Variants in DCC observed in about 807,000 individuals in gnomAD.
DCC encodes netrin receptor DCC.
Under a neutral mutation model 172.5 loss-of-function variants are expected in DCC, and 58 were observed. That is an observed-to-expected ratio of 0.34 (90% CI 0.27 to 0.42). The LOEUF (loss-of-function observed/expected upper bound fraction) is 0.42. DCC is among the 10% of genes least tolerant of loss of function. The pLI, the probability that DCC is intolerant of heterozygous loss-of-function variation, is 1.00. For synonymous variants in DCC, 709 were observed against 644.5 expected (o/e 1.10, Z -1.52); for missense variants, 1,740 against 1,791.0 (o/e 0.97, Z 0.51).
At chr18:52,417,559 C>A (rs1033236394) in intron 1 of DCC, among the ~76,000 whole-genome samples, 1 of 152,050 alleles carries the variant, frequency 6.6e-6, no homozygotes. Flanking sequence ...TTCTTGGAGG[C>A]CTTGTTTGTT....
At chr18:52,723,163 T>G (rs1258044908) in intron 1 of DCC, among the ~76,000 whole-genome samples, 1 of 152,224 alleles carries the variant, frequency 6.6e-6, no homozygotes, top group African/African-American at 2.4e-5. Flanking sequence ...TGTTCTCTTT[T>G]GTCTGCAGTG....
chr18:53,392,225 C>CT (rs934687000), intron 17 of DCC, among the ~76,000 whole-genome samples: 96 of 144,558 alleles, frequency 6.6e-4, no homozygotes, highest in Non-Finnish European at 8.1e-4. Context: ...ATTTTGGTAT[C>CT]TTTTTTTTTT....
intron 5 of DCC, among the ~76,000 whole-genome samples, chr18:53,012,857 A>G (rs1424091214): frequency 6.6e-6 from 1 of 152,134 alleles, no homozygotes; most frequent in Non-Finnish European, 1.5e-5. Flanking sequence ...TCCAGCATCT[A>G]TAAGGAACTT....
intron 12 of DCC, among the ~76,000 whole-genome samples, chr18:53,303,400 G>A (rs537462370): frequency 2.1e-4 from 32 of 152,232 alleles, no homozygotes; most frequent in African/African-American, 7.2e-4. Context: ...TTCATGTGCT[G>A]TTATCTTCTT....
rs144580817 is a variant in DCC at position 53,529,003 on chromosome 18, TTCTCTCTCTCTCTC to T, written c.4255-1538_4255-1525del. On this transcript the variant is annotated intron_variant, in intron 28 of 28. Coordinates refer to ENST00000442544, the MANE Select transcript of DCC (RefSeq NM_005215.4). Reference sequence around the variant, plus strand: ...TGCCTAGTAATCCCCTCACTTCAACTTCTCTCTCTCTCTCTCTCTCTCTCTCTCTCTCTCTCACA... The same window carrying T: ...TGCCTAGTAATCCCCTCACTTCAACTTCTCTCTCTCTCTCTCTCTCTCACA... Among the ~76,000 whole-genome samples, 398 of 101,058 alleles carry T rather than the reference TTCTCTCTCTCTCTC, an allele frequency of 3.9e-3. 4 individuals are homozygous for T. The highest frequency in any genetic ancestry group is 0.023 in the East Asian group (97 of 4,296). 66.3% of individuals were successfully genotyped at this position (101,058 alleles called of 152,430 possible).
At chr18:52,908,411 A>G (rs116716278) in intron 3 of DCC, among the ~76,000 whole-genome samples, 2,602 of 152,312 alleles carry the variant, frequency 0.017, 69 homozygotes, top group African/African-American at 0.059. Context: ...TTACGTATCC[A>G]TTACATACAC....
chr18:52,975,609 T>C (rs1347540411), intron 5 of DCC, among the ~76,000 whole-genome samples: 4 of 152,282 alleles, frequency 2.6e-5, no homozygotes, highest in Non-Finnish European at 5.9e-5. Flanking sequence ...CAACATGTGG[T>C]ATTTGGTTTT....
intron 1 of DCC, among the ~76,000 whole-genome samples, chr18:52,668,058 C>A (rs1263726157): frequency 1.3e-4 from 20 of 150,410 alleles, no homozygotes; most frequent in Admixed American, 4.0e-4. Flanking sequence ...AAAACAACAA[C>A]AAAAAAAAAC....
chr18:52,750,702 G>A (rs1025260949), intron 1 of DCC, among the ~76,000 whole-genome samples: 3 of 152,168 alleles, frequency 2.0e-5, no homozygotes, highest in Non-Finnish European at 4.4e-5. Context: ...CTGTAAAATG[G>A]GGTGTACAAA....
intron 15 of DCC, among the ~76,000 whole-genome samples, chr18:53,359,535 T>A (rs2057920810): frequency 6.6e-6 from 1 of 152,176 alleles, no homozygotes; most frequent in African/African-American, 2.4e-5. Context: ...TGTATTTGAA[T>A]AGACTAAGCC....
intron 2 of DCC, among the ~76,000 whole-genome samples, chr18:52,834,124 G>A (rs1046081075): frequency 4.6e-5 from 7 of 152,078 alleles, no homozygotes; most frequent in African/African-American, 1.5e-4. Context: ...GAACACATCC[G>A]GCTTGGCAAT....
intron 13 of DCC, 38 bp from the exon 14 acceptor site, chr18:53,322,009 A>T: frequency 9.0e-7 from 1 of 1,114,472 alleles, no homozygotes. Flanking sequence ...CTTGGTGCAT[A>T]GTAACTTTCT....
At chr18:52,666,519 A>T (rs1310739404) in intron 1 of DCC, among the ~76,000 whole-genome samples, 1 of 152,228 alleles carries the variant, frequency 6.6e-6, no homozygotes, top group Non-Finnish European at 1.5e-5. Flanking sequence ...GCAGAGAAAC[A>T]GTCATTTAAA....
At chr18:52,348,817 T>C (rs1414419959) in intron 1 of DCC, among the ~76,000 whole-genome samples, 1 of 152,178 alleles carries the variant, frequency 6.6e-6, no homozygotes, top group Non-Finnish European at 1.5e-5. Context: ...GATTTTGAGT[T>C]GGAAAAGACA....
At chr18:53,022,544 CGTGTGTGT>C (rs10686492) in intron 5 of DCC, among the ~76,000 whole-genome samples, 2 of 85,562 alleles carry the variant, frequency 2.3e-5, no homozygotes, top group Non-Finnish European at 3.3e-5. Context: ...TATATATGTG[CGTGTGTGT>C]GTGTGTGTGT....
intron 2 of DCC, among the ~76,000 whole-genome samples, chr18:52,793,447 C>A (rs1459376003): frequency 6.6e-6 from 1 of 152,320 alleles, no homozygotes; most frequent in Non-Finnish European, 1.5e-5. Context: ...CATACCCTTA[C>A]CATCTGCTTA....
At chr18:53,526,490 C>A in intron 27 of DCC, 127 bp from the exon 28 acceptor site, 1 of 1,012,252 alleles carries the variant, frequency 9.9e-7, no homozygotes, top group Non-Finnish European at 1.5e-6. Context: ...CAGAATTCAT[C>A]TTTACACTAC....
At chr18:53,258,839 A>C (rs1371589776) in intron 12 of DCC, among the ~76,000 whole-genome samples, 1 of 152,006 alleles carries the variant, frequency 6.6e-6, no homozygotes, top group Non-Finnish European at 1.5e-5. Flanking sequence ...ATTGTATGGG[A>C]GTCTAAGTCT....
At chr18:52,833,338 G>A (rs1024088435) in intron 2 of DCC, among the ~76,000 whole-genome samples, 1 of 152,128 alleles carries the variant, frequency 6.6e-6, no homozygotes. Context: ...GTAGCCAGCT[G>A]TTTTGAAAAT....
Sources: allele counts gnomAD v4.1 joint callset (sites outside exome capture counted in the v4.1 genomes callset), GRCh38; gene constraint gnomAD v4.1.1; transcripts MANE v1.5; gene names NCBI Gene and HGNC (gene_info 2026-07-23, HGNC 2026-07-21).